Variants in ABCA13 observed in about 807,000 individuals in gnomAD.
ABCA13 encodes ATP-binding cassette sub-family A member 13.
ABCA13 carries 476 observed loss-of-function variants against 478.7 expected under a neutral mutation model. That is an observed-to-expected ratio of 0.99 (90% CI 0.92 to 1.07). The LOEUF (loss-of-function observed/expected upper bound fraction) is 1.07. ABCA13 is among the 50% of genes least tolerant of loss of function. The pLI, the probability that ABCA13 is intolerant of heterozygous loss-of-function variation, is 0.00. For synonymous variants in ABCA13, 2,252 were observed against 2,158.9 expected (o/e 1.04, Z -1.20); for missense variants, 6,060 against 5,910.6 (o/e 1.03, Z -0.83).
chr7:48,309,668 T>A (rs6969141), intron 23 of ABCA13, among the ~76,000 whole-genome samples: 1 of 152,012 alleles, frequency 6.6e-6, no homozygotes, highest in East Asian at 1.9e-4. Flanking sequence ...GTGAGCCTCG[T>A]GGAGAGCAGA....
At chr7:48,525,141 G>T (rs1585700854) in intron 54 of ABCA13, among the ~76,000 whole-genome samples, 1 of 152,256 alleles carries the variant, frequency 6.6e-6, no homozygotes. Flanking sequence ...TCAGATATGT[G>T]TATTCTGAGG....
intron 29 of ABCA13, among the ~76,000 whole-genome samples, chr7:48,346,643 A>G (rs1020288386): frequency 6.6e-6 from 1 of 152,232 alleles, no homozygotes; most frequent in Non-Finnish European, 1.5e-5. Context: ...TAGCTGTTAC[A>G]TGATAATAGT....
chr7:48,552,947 C>T (rs1011643199), intron 55 of ABCA13, among the ~76,000 whole-genome samples: 3 of 149,728 alleles, frequency 2.0e-5, no homozygotes, highest in African/African-American at 7.3e-5. Context: ...ATTAATCATC[C>T]CCACTTCCCT....
At chr7:48,544,225 C>T (rs368685244) in intron 55 of ABCA13, among the ~76,000 whole-genome samples, 5 of 151,434 alleles carry the variant, frequency 3.3e-5, no homozygotes, top group African/African-American at 9.7e-5. Context: ...AAGAAGAAAC[C>T]AACAAACCTG....
chr7:48,645,328 A>C, intron 61 of ABCA13, 89 bp from the exon 62 acceptor site: 1 of 986,166 alleles, frequency 1.0e-6, no homozygotes, highest in Non-Finnish European at 1.5e-6. Flanking sequence ...CAAGTTGGCC[A>C]GTGTTCTGAG....
At chr7:48,620,620 C>G (rs188877885) in intron 59 of ABCA13, among the ~76,000 whole-genome samples, 5 of 152,300 alleles carry the variant, frequency 3.3e-5, no homozygotes, top group Admixed American at 2.0e-4. Flanking sequence ...TCAGCTGTTA[C>G]TTTGTTCTAT....
At chr7:48,210,201 T>C (rs1785444625) in intron 3 of ABCA13, among the ~76,000 whole-genome samples, 1 of 152,098 alleles carries the variant, frequency 6.6e-6, no homozygotes, top group Non-Finnish European at 1.5e-5. Context: ...GTTCTTCACA[T>C]GGCGGCAGGA....
At position 48,415,481 on chromosome 7, in the gene ABCA13, C is replaced by T. The variant is rs192975950; in HGVS notation, c.12459+2898C>T. ...TCATAAGCTCACTGGACTCTCAGGG[C>T]AGGGAGGAAGATGCTGTAGGAATAT... On this transcript the variant is annotated intron_variant, in intron 41 of 61. Coordinates refer to ENST00000435803, the MANE Select transcript of ABCA13 (RefSeq NM_152701.5). Among the ~76,000 whole-genome samples, 4 of 152,138 alleles carry T rather than the reference C, an allele frequency of 2.6e-5. No homozygotes were observed. In the East Asian group the frequency reaches 7.7e-4, roughly 29 times the overall value.
chr7:48,239,439 G>A (rs755883528), intron 9 of ABCA13, 34 bp downstream of exon 9: 1 of 1,556,200 alleles, frequency 6.4e-7, no homozygotes, highest in Non-Finnish European at 8.7e-7. Flanking sequence ...CTGTTCAAAG[G>A]TGTGCCAGTT....
At chr7:48,433,344 T>C (rs543934328) in intron 42 of ABCA13, among the ~76,000 whole-genome samples, 1 of 151,458 alleles carries the variant, frequency 6.6e-6, no homozygotes, top group South Asian at 2.1e-4. Context: ...TAAAAATAAG[T>C]ACAGTACTCA....
At chr7:48,625,848 T>C (rs1380228680) in intron 59 of ABCA13, among the ~76,000 whole-genome samples, 3 of 152,154 alleles carry the variant, frequency 2.0e-5, no homozygotes, top group Non-Finnish European at 4.4e-5. Context: ...AATAGAAGTG[T>C]TGGAGATATT....
chr7:48,398,309 C>T (rs1186089245), intron 38 of ABCA13, among the ~76,000 whole-genome samples: 1 of 152,132 alleles, frequency 6.6e-6, no homozygotes, highest in Non-Finnish European at 1.5e-5. Context: ...TTTGCTTCAT[C>T]TTTTTTTGGG....
intron 50 of ABCA13, among the ~76,000 whole-genome samples, chr7:48,509,699 A>G (rs1178855113): frequency 2.0e-5 from 3 of 152,042 alleles, no homozygotes; most frequent in Non-Finnish European, 4.4e-5. Context: ...ATTTTTGAGG[A>G]TCTGTTGTGG....
intron 58 of ABCA13, among the ~76,000 whole-genome samples, chr7:48,595,153 C>A (rs1790155950): frequency 6.6e-6 from 1 of 152,186 alleles, no homozygotes; most frequent in Admixed American, 6.5e-5. Context: ...TCTTTCAGAT[C>A]CTTTCCATCC....
At chr7:48,638,026 A>G (rs1794821985) in intron 59 of ABCA13, among the ~76,000 whole-genome samples, 1 of 152,216 alleles carries the variant, frequency 6.6e-6, no homozygotes, top group African/African-American at 2.4e-5. Context: ...GGGCTTTCAC[A>G]GCCAGAATAG....
chr7:48,506,270 T>C (rs1350226265), intron 48 of ABCA13, 66 bp from the exon 49 acceptor site: 1 of 1,526,974 alleles, frequency 6.5e-7, no homozygotes, highest in Non-Finnish European at 9.1e-7. Flanking sequence ...GCGTAGCCTG[T>C]AGATGAGCTG....
At chr7:48,524,026 T>A (rs1832729187) in intron 53 of ABCA13, among the ~76,000 whole-genome samples, 1 of 152,198 alleles carries the variant, frequency 6.6e-6, no homozygotes, top group African/African-American at 2.4e-5. Context: ...CATTTCAGTA[T>A]CTTTTAGGAA....
At chr7:48,424,671 C>A (rs1477650177) in intron 41 of ABCA13, among the ~76,000 whole-genome samples, 1 of 152,172 alleles carries the variant, frequency 6.6e-6, no homozygotes, top group Non-Finnish European at 1.5e-5. Context: ...TGTAAGTTTT[C>A]TTTCATTAAA....
rs77147473 is a variant in ABCA13 at position 48,410,588 on chromosome 7, C to T, written c.12139C>T (p.Leu4047Phe). The stretch of plus-strand genomic sequence containing the variant: ...AGCGCTGAGTGACCGCGTGGCCGTC[C>T]TCCAGCATGGGAGGCTCAGGTGCTG... ...AEALSDRVAVLQHGRLRCCGP... is the reference protein window; with the variant it reads ...AEALSDRVAVFQHGRLRCCGP... Residue 4047 changes from leucine (L) to phenylalanine (F), a missense_variant, in exon 40 of 62, where the codon CTC becomes TTC. Transcript: ENST00000435803. The T allele has an allele frequency of 1.2e-6, 2 of 1,614,026 alleles. No individual in the cohort carries two copies. The highest frequency in any genetic ancestry group is 1.7e-6 in the Non-Finnish European group (2 of 1,179,888).
Sources: gnomAD v4.1 joint callset for allele counts (sites outside exome capture counted in the v4.1 genomes callset) on GRCh38, gnomAD v4.1.1 for gene constraint, MANE v1.5 for transcripts, NCBI Gene and HGNC (gene_info 2026-07-23, HGNC 2026-07-21) for gene names.